The following AGBL1 variants were observed in gnomAD, a reference collection of about 807,000 sequenced individuals.
AGBL1 encodes AGBL carboxypeptidase 1.
A neutral mutation model predicts 118.9 loss-of-function variants in AGBL1; 130 were observed. That is an observed-to-expected ratio of 1.09 (90% CI 0.95 to 1.26). The LOEUF (loss-of-function observed/expected upper bound fraction) is 1.26. AGBL1 is among the 50% of genes most tolerant of loss of function. The pLI is 0.00. For missense variants in AGBL1, 1,584 were observed against 1,298.1 expected (o/e 1.22, Z -3.38); for synonymous variants, 555 against 478.9 (o/e 1.16, Z -2.08).
chr15:86,264,410 T>C lies in AGBL1; in HGVS notation c.1239T>C (p.Thr413=). The change falls in exon 11 of 23, where the codon ACT becomes ACC. Residue 413 remains threonine, a synonymous_variant. Transcript: ENST00000614907. ...AAGAAAGAGAATATGCTGTCCAGAC[T>C]TCCCTTCTGTGCAGGGTGAAGACGG... ...CGQEREYAVQ[T]SLLCRVKTGR... is the part of the protein sequence containing the mutation. The C allele has an allele frequency of 6.2e-7, 1 of 1,613,970 alleles. No homozygotes were observed. The highest frequency in any genetic ancestry group is 8.5e-7 in the Non-Finnish European group (1 of 1,179,882).
At chr15:86,284,683 T>C (rs191630857) in intron 16 of AGBL1, among the ~76,000 whole-genome samples, 149 of 152,208 alleles carry the variant, frequency 9.8e-4, no homozygotes, top group African/African-American at 3.4e-3. Flanking sequence ...AGTGCAGCAG[T>C]TTAGGGGGTA....
At chr15:86,099,207 G>A (rs562026076) in intron 1 of AGBL1, among the ~76,000 whole-genome samples, 1 of 152,262 alleles carries the variant, frequency 6.6e-6, no homozygotes, top group South Asian at 2.1e-4. Context: ...CCCAGAATGA[G>A]TAGAAGGAAA....
chr15:86,243,910 T>C (rs931321712), intron 6 of AGBL1, among the ~76,000 whole-genome samples: 1 of 151,878 alleles, frequency 6.6e-6, no homozygotes, highest in East Asian at 1.9e-4. Context: ...ATCCCAGTTA[T>C]GCGGGAGGCT....
At chr15:86,080,910 G>A (rs1895229535) in intron 1 of AGBL1, among the ~76,000 whole-genome samples, 1 of 152,032 alleles carries the variant, frequency 6.6e-6, no homozygotes, top group South Asian at 2.1e-4. Flanking sequence ...TTCCTGGAAG[G>A]GGTCACAAGA....
chr15:86,361,266 C>T (rs554481394), intron 17 of AGBL1, among the ~76,000 whole-genome samples: 1 of 151,838 alleles, frequency 6.6e-6, no homozygotes, highest in Non-Finnish European at 1.5e-5. Flanking sequence ...CATTTTCTTA[C>T]TGTTACTGAT....
At chr15:86,509,238 C>T (rs539370496) in intron 18 of AGBL1, among the ~76,000 whole-genome samples, 13 of 151,976 alleles carry the variant, frequency 8.6e-5, no homozygotes, top group South Asian at 4.2e-4. Context: ...ATGAAAGGGG[C>T]GAGGCTTGAT....
rs2077981310 is a variant in AGBL1 at position 86,758,944 on chromosome 15, G to A, written c.3158+84508G>A. Among the ~76,000 whole-genome samples, 2 of 130,368 alleles carry A rather than the reference G, an allele frequency of 1.5e-5. 1 individual carries two copies. Among genetic ancestry groups the A allele is most frequent in the Admixed American group, 1.8e-4 (2 of 11,002 alleles). The allele number at this position is 130,368 out of a possible 152,430, so 85.5% of individuals were successfully genotyped here. The stretch of plus-strand genomic sequence containing the variant: ...GTGGAGATTGCACCATGGCACTCCA[G>A]CCTGGATGACAGACACCCTGTCAAA... On this transcript the variant is annotated intron_variant, in intron 22 of 22. Transcript: ENST00000614907.
chr15:86,637,649 G>A (rs2085118783), intron 21 of AGBL1, among the ~76,000 whole-genome samples: 1 of 152,198 alleles, frequency 6.6e-6, no homozygotes, highest in Non-Finnish European at 1.5e-5. Flanking sequence ...CCCAGGGAAA[G>A]ATGGTGGCTT....
intron 19 of AGBL1, among the ~76,000 whole-genome samples, chr15:86,545,170 T>G (rs181218154): frequency 6.6e-5 from 10 of 152,316 alleles, no homozygotes; most frequent in Non-Finnish European, 8.8e-5. Context: ...TGTTTCAAAT[T>G]AGGGCTTCTT....
chr15:86,196,242 G>C (rs1466124213), intron 5 of AGBL1, among the ~76,000 whole-genome samples: 1 of 152,136 alleles, frequency 6.6e-6, no homozygotes, highest in Non-Finnish European at 1.5e-5. Flanking sequence ...TCAGATGTAG[G>C]ATGGACGTCA....
At chr15:86,581,067 CAA>C (rs1299682691) in intron 21 of AGBL1, among the ~76,000 whole-genome samples, 3 of 152,004 alleles carry the variant, frequency 2.0e-5, no homozygotes, top group Non-Finnish European at 4.4e-5. Flanking sequence ...ATGAGAGTTC[CAA>C]AAGGGGAGTT....
At chr15:86,872,698 G>A (rs2079746946) in intron 22 of AGBL1, among the ~76,000 whole-genome samples, 1 of 152,234 alleles carries the variant, frequency 6.6e-6, no homozygotes, top group Non-Finnish European at 1.5e-5. Flanking sequence ...AGAGGTTACA[G>A]TGAGCTGAGA....
chr15:86,804,386 C>G (rs1021730778), intron 22 of AGBL1, among the ~76,000 whole-genome samples: 5 of 152,102 alleles, frequency 3.3e-5, no homozygotes, highest in Admixed American at 2.6e-4. Flanking sequence ...AATCAGAACT[C>G]AATACAGAAC....
intron 17 of AGBL1, among the ~76,000 whole-genome samples, chr15:86,320,394 T>A (rs2080086753): frequency 6.6e-6 from 1 of 152,060 alleles, no homozygotes; most frequent in African/African-American, 2.4e-5. Flanking sequence ...TATTCTTTAA[T>A]AATTTCTTTT....
At chr15:87,030,553 C>T (rs2081773992), downstream of AGBL1, among the ~76,000 whole-genome samples, 1 of 151,880 alleles carries the variant, frequency 6.6e-6, no homozygotes, top group Non-Finnish European at 1.5e-5. Context: ...GTGAGTTTTG[C>T]CATCATGGCA....
chr15:86,091,400 C>G (rs1031609167), intron 1 of AGBL1, among the ~76,000 whole-genome samples: 1 of 152,164 alleles, frequency 6.6e-6, no homozygotes, highest in Non-Finnish European at 1.5e-5. Flanking sequence ...TGGTGACCAA[C>G]TGAGGACACA....
At chr15:86,510,649 C>A (rs1286349454) in intron 18 of AGBL1, among the ~76,000 whole-genome samples, 1 of 152,056 alleles carries the variant, frequency 6.6e-6, no homozygotes, top group Admixed American at 6.6e-5. Context: ...TTAAAGATTT[C>A]TCTCCAACAA....
At chr15:86,476,942 C>G (rs1188942304) in intron 18 of AGBL1, among the ~76,000 whole-genome samples, 3 of 152,170 alleles carry the variant, frequency 2.0e-5, no homozygotes, top group Non-Finnish European at 4.4e-5. Context: ...CAAAACTGCT[C>G]CACTACATGG....
chr15:86,407,571 T>C (rs2081547957), intron 18 of AGBL1, among the ~76,000 whole-genome samples: 1 of 152,202 alleles, frequency 6.6e-6, no homozygotes. Flanking sequence ...TAAAATGTTT[T>C]ACTATAGGTC....
Sources: gnomAD v4.1 joint callset for allele counts (sites outside exome capture counted in the v4.1 genomes callset) on GRCh38, gnomAD v4.1.1 for gene constraint, MANE v1.5 for transcripts, NCBI Gene and HGNC (gene_info 2026-07-23, HGNC 2026-07-21) for gene names.